NDUFA10: variants seen among roughly 807,000 people sequenced by gnomAD.
NDUFA10 encodes the protein NADH dehydrogenase [ubiquinone] 1 alpha subcomplex subunit 10, mitochondrial.
In NDUFA10, 40 loss-of-function variants were observed where a neutral mutation model predicts 47.8. The observed-to-expected ratio is 0.84, with a 90% confidence interval of 0.65 to 1.09. NDUFA10 has a LOEUF of 1.09. NDUFA10 is among the 50% of genes least tolerant of loss of function. The pLI is 0.00. For synonymous variants in NDUFA10, 183 were observed against 172.2 expected, an observed-to-expected ratio of 1.06 and a Z score of -0.49; for missense variants, 413 against 451.1, an observed-to-expected ratio of 0.92 and a Z score of 0.76.
At chr2:239,916,326 TACAC>T (rs1351876080) in intron 4 of NDUFA10, among the ~76,000 whole-genome samples, 5 of 146,006 alleles carry the variant, frequency 3.4e-5, no homozygotes, top group African/African-American at 1.0e-4. Flanking sequence ...TACACAAACA[TACAC>T]ACATGCACAG....
At chr2:239,930,809 C>A (rs559567863) in intron 4 of NDUFA10, among the ~76,000 whole-genome samples, 19 of 150,256 alleles carry the variant, frequency 1.3e-4, no homozygotes, top group African/African-American at 4.7e-4. Context: ...AGGGGTGTGG[C>A]AGGGAGGGAG....
At chr2:240,004,689 C>T (rs1026870066) in intron 8 of NDUFA10, among the ~76,000 whole-genome samples, 2 of 152,102 alleles carry the variant, frequency 1.3e-5, no homozygotes, top group African/African-American at 4.8e-5. Flanking sequence ...CTGCTGGGCG[C>T]ACCTTCCCAC....
At chr2:239,914,594 T>A (rs62649973) in intron 4 of NDUFA10, among the ~76,000 whole-genome samples, 54,858 of 113,458 alleles carry the variant, frequency 0.48, 13,850 homozygotes, top group Middle Eastern at 0.55. Context: ...CATACATACA[T>A]AGACACACAC....
At chr2:239,901,090 G>A (rs1693538478) in intron 4 of NDUFA10, among the ~76,000 whole-genome samples, 1 of 152,214 alleles carries the variant, frequency 6.6e-6, no homozygotes, top group African/African-American at 2.4e-5. Context: ...CAAAGGACAA[G>A]CTGACTCTCT....
Position 240,016,924 on chromosome 2 carries a change from T to A in NDUFA10, c.547+1629A>T, listed in dbSNP as rs1020711682. 7.2e-5 allele frequency among the ~76,000 whole-genome samples: 11 copies of A among 152,058 alleles called. No individual in the cohort carries two copies. Among genetic ancestry groups the A allele is most frequent in the Non-Finnish European group, 1.2e-4 (8 of 67,986 alleles). ...ATCGGTCCACTGCCCCTGTGCATCC[T>A]TCCCCCTTAGCGGCCCACTAGCCAG... On this transcript the variant is annotated intron_variant, in intron 4 of 9. Coordinates refer to ENST00000252711, the MANE Select transcript of NDUFA10 (RefSeq NM_004544.4). This position sits in a 1 kb window ranked among gnomAD's most constrained non-coding sequence, Gnocchi z 4.4.
At position 239,960,629 on chromosome 2, in the gene NDUFA10, T is replaced by C. The variant is rs886055824; in HGVS notation, c.*489A>G. 6.7e-6 allele frequency: 7 copies of C among 1,038,254 alleles called. No individual in the cohort carries two copies. In the Middle Eastern group the frequency reaches 2.9e-3, roughly 427 times the overall value. The allele number at this position is 1,038,254 out of a possible 1,614,324, so 64.3% of individuals were successfully genotyped here. On this transcript the variant is annotated 3_prime_UTR_variant, in exon 10 of 10. Transcript: ENST00000252711. ...AGGCCTTTAGAAAAACTCTTCAGCATAATGTAAGCCTCAATTAAACCACAC... is the reference window on the plus strand; with the variant it reads ...AGGCCTTTAGAAAAACTCTTCAGCACAATGTAAGCCTCAATTAAACCACAC...
intron 4 of NDUFA10, among the ~76,000 whole-genome samples, chr2:240,017,138 A>G (rs1697383361): frequency 6.6e-6 from 1 of 152,168 alleles, no homozygotes; most frequent in Non-Finnish European, 1.5e-5. Context: ...CATCCTTCAG[A>G]TGAAGGCCTG....
chr2:239,990,093 AC>A lies in NDUFA10; in HGVS notation c.979del (p.Val327SerfsTer28). 6.2e-7 allele frequency: 1 copy of A among 1,611,612 alleles called. No homozygotes were observed. Among genetic ancestry groups the A allele is most frequent in the Non-Finnish European group, 8.5e-7 (1 of 1,177,726 alleles). ...TCTTACCTCTCTGAACTGATGTAAGACACGGTCAGTCTGATGAGCTCCAATG... is the reference window on the plus strand; with the variant it reads ...TCTTACCTCTCTGAACTGATGTAAGAACGGTCAGTCTGATGAGCTCCAATG... Reference protein sequence around the residue: ...VTIGAHQTDRVLHQFRELPGR... With the variant: ...VTIGAHQTDRXLHQFRELPGR... On this transcript the variant is annotated frameshift_variant, in exon 9 of 10. Transcript: ENST00000252711. LOFTEE classifies it high-confidence loss of function.
At chr2:239,952,466 C>T (rs996613368), downstream of NDUFA10, among the ~76,000 whole-genome samples, 3 of 152,244 alleles carry the variant, frequency 2.0e-5, no homozygotes, top group South Asian at 2.1e-4. Context: ...CCTTGGCAGC[C>T]GGTGGGCACT....
intron 9 of NDUFA10, chr2:239,983,702 C>T (rs756481317): frequency 7.4e-5 from 117 of 1,571,114 alleles, no homozygotes; most frequent in Non-Finnish European, 9.5e-5. Context: ...CCAAAACACA[C>T]AGTCCAATCT....
chr2:239,913,346 C>G (rs894593749), intron 4 of NDUFA10, among the ~76,000 whole-genome samples: 2 of 152,256 alleles, frequency 1.3e-5, no homozygotes, highest in East Asian at 3.9e-4. Flanking sequence ...CCATCTTGTG[C>G]GGGCTCGTTG....
At chr2:239,905,689 T>A (rs1037563140) in intron 4 of NDUFA10, among the ~76,000 whole-genome samples, 1 of 151,800 alleles carries the variant, frequency 6.6e-6, no homozygotes, top group African/African-American at 2.4e-5. Flanking sequence ...ACAAGCCCCA[T>A]CAGAGGGAGA....
chr2:239,915,609 C>T (rs1486945258), intron 4 of NDUFA10, among the ~76,000 whole-genome samples: 1 of 151,272 alleles, frequency 6.6e-6, no homozygotes, highest in Non-Finnish European at 1.5e-5. Flanking sequence ...TACACACACA[C>T]ACACATACAC....
At chr2:239,920,338 G>C (rs1011182541) in intron 4 of NDUFA10, among the ~76,000 whole-genome samples, 1 of 152,192 alleles carries the variant, frequency 6.6e-6, no homozygotes, top group Non-Finnish European at 1.5e-5. Flanking sequence ...TTGTACAGCA[G>C]CCCAGACTGA....
At chr2:239,943,356 G>A (rs1240041168) in intron 4 of NDUFA10, among the ~76,000 whole-genome samples, 1 of 151,698 alleles carries the variant, frequency 6.6e-6, no homozygotes, top group Non-Finnish European at 1.5e-5. Flanking sequence ...TTTGAGATGG[G>A]GTCTCACAGT....
At chr2:240,010,552 TC>T (rs1487010626) in intron 6 of NDUFA10, among the ~76,000 whole-genome samples, 1 of 152,114 alleles carries the variant, frequency 6.6e-6, no homozygotes, top group East Asian at 1.9e-4. Flanking sequence ...TCTAGATACT[TC>T]CCTTGGTATT....
At chr2:239,968,303 G>GCAGAGCA in intron 9 of NDUFA10, among the ~76,000 whole-genome samples, 1 of 152,326 alleles carries the variant, frequency 6.6e-6, no homozygotes, top group East Asian at 1.9e-4. Flanking sequence ...CACGCAATGC[G>GCAGAGCA]CAGAGCACGG....
At chr2:240,014,438 G>A (rs1400862019) in intron 5 of NDUFA10, 3 of 438,164 alleles carry the variant, frequency 6.8e-6, no homozygotes, top group Non-Finnish European at 1.3e-5. Context: ...GAGGGATGGA[G>A]GACGCTCTGC....
At chr2:239,973,566 G>T (rs73105362) in intron 9 of NDUFA10, 61,435 of 469,258 alleles carry the variant, frequency 0.13, 4,407 homozygotes, top group African/African-American at 0.21. Context: ...CAGCTTCAAG[G>T]AGGGAACGAT....
Sources: allele counts gnomAD v4.1 joint callset (sites outside exome capture counted in the v4.1 genomes callset), GRCh38; gene constraint gnomAD v4.1.1; non-coding constraint Gnocchi (gnomAD v3.1); transcripts MANE v1.5; gene names NCBI Gene and HGNC (gene_info 2026-07-23, HGNC 2026-07-21).